The following CLASP1 variants were observed in gnomAD, a reference collection of about 807,000 sequenced individuals.
CLASP1 encodes cytoplasmic linker associated protein 1.
In CLASP1, 38 loss-of-function variants were observed where a neutral mutation model predicts 192.3. The observed-to-expected ratio is 0.20, with a 90% CI of 0.15 to 0.26. CLASP1 has a LOEUF of 0.26. Ranked by LOEUF, CLASP1 falls within the 10% of genes least tolerant of loss-of-function variation. The pLI, the probability that CLASP1 is intolerant of heterozygous loss-of-function variation, is 1.00. For synonymous variants in CLASP1, 691 were observed against 712.8 expected (o/e 0.97, Z 0.49); for missense variants, 1,433 against 1,932.5 (o/e 0.74, Z 4.85).
chr2:121,603,713 A>G (rs2064074798), intron 2 of CLASP1, among the ~76,000 whole-genome samples: 1 of 152,258 alleles, frequency 6.6e-6, no homozygotes, highest in African/African-American at 2.4e-5. Flanking sequence ...AATGTGGTAT[A>G]TTCAATGGAA....
chr2:121,422,475 A>C (rs1283289625), intron 22 of CLASP1, among the ~76,000 whole-genome samples: 1 of 152,228 alleles, frequency 6.6e-6, no homozygotes, highest in Non-Finnish European at 1.5e-5. Context: ...GAACAAGGGC[A>C]AACTTCCAAA....
chr2:121,363,181 G>A, exon 37 of CLASP1: 1 of 1,613,938 alleles, frequency 6.2e-7, no homozygotes, highest in Non-Finnish European at 8.5e-7. Context: ...CCTCCTTATG[G>A]GAGTCTTTGT....
chr2:121,402,587 A>G, intron 26 of CLASP1: 1 of 518,782 alleles, frequency 1.9e-6, no homozygotes, highest in South Asian at 1.4e-5. Context: ...TGAGACCTCC[A>G]AACTCACTGT....
intron 39 of CLASP1, among the ~76,000 whole-genome samples, chr2:121,341,817 A>C (rs2062815146): frequency 6.6e-6 from 1 of 152,214 alleles, no homozygotes; most frequent in Non-Finnish European, 1.5e-5. Context: ...CAGAACACAC[A>C]TTCTTCTCAA....
intron 1 of CLASP1, among the ~76,000 whole-genome samples, chr2:121,618,720 T>C (rs2066862729): frequency 6.6e-6 from 1 of 152,118 alleles, no homozygotes; most frequent in African/African-American, 2.4e-5. Flanking sequence ...ATTTGATGTT[T>C]TTATTTCAAT....
At chr2:121,493,561 G>A (rs781487862) in intron 8 of CLASP1, among the ~76,000 whole-genome samples, 1 of 152,040 alleles carries the variant, frequency 6.6e-6, no homozygotes, top group Non-Finnish European at 1.5e-5. Flanking sequence ...AAACATGGGG[G>A]AAACTCTCCA....
At chr2:121,407,694 A>G (rs1442426378) in exon 25 of CLASP1, 8 of 1,613,850 alleles carry the variant, frequency 5.0e-6, no homozygotes, top group Non-Finnish European at 6.8e-6. Context: ...TACGGCTCAT[A>G]TCTCCTCCTC....
At chr2:121,605,829 C>A (rs200734193) in exon 2 of CLASP1, 2 of 1,614,026 alleles carry the variant, frequency 1.2e-6, no homozygotes, top group Non-Finnish European at 1.7e-6. Context: ...TCTTGGCCAA[C>A]CTGCAATCGT....
chr2:121,473,766 T>C (rs1399459470), intron 8 of CLASP1, among the ~76,000 whole-genome samples: 1 of 152,160 alleles, frequency 6.6e-6, no homozygotes, highest in East Asian at 1.9e-4. Context: ...GCAGCAGACT[T>C]CATCAGAAAC....
intron 36 of CLASP1, chr2:121,364,689 G>A (rs1029403214): frequency 2.4e-5 from 5 of 209,232 alleles, no homozygotes; most frequent in Admixed American, 2.1e-4. Flanking sequence ...TTCATGGAAT[G>A]TAGCATTTAA....
At chr2:121,648,627 A>ATT (rs1407726316) in intron 1 of CLASP1, among the ~76,000 whole-genome samples, 1 of 152,220 alleles carries the variant, frequency 6.6e-6, no homozygotes, top group Non-Finnish European at 1.5e-5. Flanking sequence ...GATTAGCTCC[A>ATT]TTGTACCTAG....
Position 121,515,584 on chromosome 2 carries a change from T to C in CLASP1, c.644+81A>G, listed in dbSNP as rs562436739. 21 of 1,031,016 alleles carry C rather than the reference T, an allele frequency of 2.0e-5. No homozygotes were observed. The East Asian group carries it at 3.2e-4, about 16-fold the overall frequency. The allele number at this position is 1,031,016 out of a possible 1,614,324, so 63.9% of individuals were successfully genotyped here. On this transcript the variant is annotated intron_variant, in intron 7 of 39. Coordinates refer to ENST00000263710, the Ensembl canonical transcript of CLASP1. ...TAAAATAACCACAACAGAAAAAGTATTGCAAATCAAGATATTAACTGGAAA... is the reference window on the plus strand; with the variant it reads ...TAAAATAACCACAACAGAAAAAGTACTGCAAATCAAGATATTAACTGGAAA...
At chr2:121,530,617 CG>C in intron 2 of CLASP1, 1 of 530,660 alleles carries the variant, frequency 1.9e-6, no homozygotes, top group South Asian at 2.8e-5. Flanking sequence ...GCCGCGGTCC[CG>C]CCCCCGCCAG....
chr2:121,343,597 T>A (rs542941729), intron 39 of CLASP1, among the ~76,000 whole-genome samples: 30 of 152,302 alleles, frequency 2.0e-4, no homozygotes, highest in African/African-American at 6.5e-4. Flanking sequence ...TCCACTTATA[T>A]GAGACACCTG....
intron 27 of CLASP1, 96 bp from the exon 29 acceptor site, chr2:121,401,768 AG>A: frequency 9.6e-7 from 1 of 1,039,846 alleles, no homozygotes; most frequent in Non-Finnish European, 1.5e-6. Context: ...TGCTTTGCCC[AG>A]ACTCTTGTAA....
chr2:121,362,622 A>AC (rs1406567763), intron 37 of CLASP1, among the ~76,000 whole-genome samples: 1 of 152,222 alleles, frequency 6.6e-6, no homozygotes, highest in African/African-American at 2.4e-5. Flanking sequence ...GCAGCCTGCT[A>AC]CCCACTGTTG....
intron 1 of CLASP1, among the ~76,000 whole-genome samples, chr2:121,629,870 A>C (rs1192889203): frequency 6.6e-6 from 1 of 152,198 alleles, no homozygotes; most frequent in African/African-American, 2.4e-5. Flanking sequence ...TTTTATATGC[A>C]TCTTGCATAG....
In CLASP1 at chr2:121,363,266, C is replaced by G. The variant is rs767005164; in HGVS notation, c.4112G>C (p.Arg1371Thr). The stretch of plus-strand genomic sequence containing the variant: ...TGCTGGTTGATTTCTCAGAATTTCC[C>G]TCAAAACTCTTAACGCCAGTGCTCG... The change falls in exon 37 of 40, where the codon AGG (arginine) becomes ACG (threonine). Residue 1371 changes from arginine to threonine, a missense_variant. Arg to Thr is a moderately conservative substitution (Grantham distance 71). This residue lies in a region of CLASP1 where 148 missense variants were observed against 247.5 expected (regional missense o/e 0.60). Coordinates refer to ENST00000263710, the Ensembl canonical transcript of CLASP1. The G allele has an allele frequency of 6.4e-5, 104 of 1,613,780 alleles. 1 individual carries two copies. The South Asian group carries it at 1.1e-3, about 17-fold the overall frequency.
At chr2:121,459,925 A>C in intron 12 of CLASP1, 55 bp downstream of exon 12, 1 of 1,504,376 alleles carries the variant, frequency 6.6e-7, no homozygotes, top group Non-Finnish European at 8.9e-7. Flanking sequence ...GACATCTCTG[A>C]AGCTCTGTGG....
Sources: allele counts gnomAD v4.1 joint callset (sites outside exome capture counted in the v4.1 genomes callset), GRCh38; gene constraint gnomAD v4.1.1; regional missense constraint gnomAD v4.1.1; transcripts MANE v1.5; gene names NCBI Gene and HGNC (gene_info 2026-07-23, HGNC 2026-07-21).